TCP1: variants seen among roughly 807,000 people sequenced by gnomAD.
The protein encoded by TCP1 is t-complex 1.
In TCP1, 6 loss-of-function variants were observed where a neutral mutation model predicts 54.7. That is an observed-to-expected ratio of 0.11 (90% CI 0.06 to 0.22). The LOEUF is 0.22. Ranked by LOEUF, TCP1 falls within the 10% of genes least tolerant of loss-of-function variation. The probability of loss-of-function intolerance (pLI) is 1.00; values close to 1 mark genes in which losing one functional copy is unlikely to be tolerated. For missense variants in TCP1, 511 were observed against 678.2 expected, an observed-to-expected ratio of 0.75 and a Z score of 2.74; for synonymous variants, 225 against 229.7, an observed-to-expected ratio of 0.98 and a Z score of 0.19.
chr6:159,787,277 C>G (rs1384459493), intron 3 of TCP1, among the ~76,000 whole-genome samples: 2 of 151,952 alleles, frequency 1.3e-5, no homozygotes, highest in African/African-American at 4.8e-5. Flanking sequence ...CATTGTTTCT[C>G]CCCCAGATTG....
At chr6:159,787,914 C>G (rs202234649) in intron 2 of TCP1, 43 bp from the exon 3 acceptor site, 1 of 1,610,840 alleles carries the variant, frequency 6.2e-7, no homozygotes, top group Non-Finnish European at 8.5e-7. Context: ...TTATAGAAAT[C>G]AACACAGCCC....
intron 8 of TCP1, 35 bp from the exon 9 acceptor site, chr6:159,780,601 GCT>G (rs1313048128): frequency 1.3e-6 from 2 of 1,595,856 alleles, no homozygotes; most frequent in Non-Finnish European, 1.7e-6. Context: ...TGTGAATATT[GCT>G]CTTTCATGAT....
At chr6:159,787,974 T>C (rs1583144975) in intron 2 of TCP1, 84 bp downstream of exon 2, 2 of 1,606,198 alleles carry the variant, frequency 1.2e-6, no homozygotes, top group Non-Finnish European at 1.7e-6. Flanking sequence ...ACGTGGATTC[T>C]GATAAAGTCA....
chr6:159,787,710 G>GA, intron 3 of TCP1, 33 bp downstream of exon 3: 3 of 1,582,872 alleles, frequency 1.9e-6, no homozygotes, highest in Non-Finnish European at 2.6e-6. Flanking sequence ...GTCGTTTTTA[G>GA]AAAAATGATC....
intron 6 of TCP1, 108 bp from the exon 7 acceptor site, chr6:159,784,175 A>G: frequency 7.4e-7 from 1 of 1,351,248 alleles, no homozygotes; most frequent in Non-Finnish European, 9.8e-7. Flanking sequence ...AATTCATTGC[A>G]TTTTATCTTA....
rs1164566915 is a variant in TCP1, at chr6:159,779,869, C to G, written c.1290+26G>C. The stretch of plus-strand genomic sequence containing the variant: ...GTCCACAGCTACTGCTCTCAGGCCT[C>G]TAAGACAAGAAATGACTGTTCTTAC... On this transcript the variant is annotated intron_variant, in intron 10 of 11. Coordinates refer to ENST00000321394, the MANE Select transcript of TCP1 (RefSeq NM_030752.3). 7 of 1,610,814 alleles carry G rather than the reference C, an allele frequency of 4.3e-6. No individual in the cohort carries two copies. In the East Asian group the frequency reaches 8.9e-5, roughly 21 times the overall value.
At chr6:159,782,387 CA>C (rs1463236422) in intron 7 of TCP1, among the ~76,000 whole-genome samples, 5 of 152,080 alleles carry the variant, frequency 3.3e-5, no homozygotes, top group Non-Finnish European at 7.4e-5. Flanking sequence ...AGAAAAAATA[CA>C]GGAAGTTACA....
At position 159,784,697 on chromosome 6, in the gene TCP1, G is replaced by A. The variant is rs1159103877; in HGVS notation, c.639C>T (p.Gly213=). The A allele has an allele frequency of 1.2e-6, 2 of 1,614,052 alleles. No homozygotes were observed. The highest frequency in any genetic ancestry group is 2.2e-5 in the South Asian group (2 of 91,076). ...ATCCCACCACACAGTTGAGTGCATA[G>A]CCACTGATGAGCATACTCTCCATTT... ...RSQMESMLIS[G]YALNCVVGSQ... The change falls in exon 6 of 12, where the codon GGC becomes GGT. Residue 213 remains glycine (G), a synonymous_variant. Transcript: ENST00000321394.
intron 3 of TCP1, among the ~76,000 whole-genome samples, chr6:159,786,662 TA>T (rs1016733566): frequency 6.6e-6 from 1 of 152,238 alleles, no homozygotes; most frequent in African/African-American, 2.4e-5. Context: ...CACATTATCG[TA>T]AGTTAGACAA....
intron 7 of TCP1, 88 bp downstream of exon 7, chr6:159,783,853 G>T: frequency 1.4e-6 from 2 of 1,460,450 alleles, no homozygotes; most frequent in Non-Finnish European, 1.8e-6. Flanking sequence ...TAATTTTTCT[G>T]GAAGTAAAAT....
At chr6:159,786,169 C>T (rs969228182) in intron 3 of TCP1, 172 bp from the exon 4 acceptor site, 2 of 553,484 alleles carry the variant, frequency 3.6e-6, no homozygotes, top group Non-Finnish European at 6.4e-6. Flanking sequence ...CAAAACACTC[C>T]AAGTCCTCCA....
At chr6:159,780,390 CTTTT>C (rs1780546956) in intron 9 of TCP1, 49 bp downstream of exon 9, 1 of 1,612,266 alleles carries the variant, frequency 6.2e-7, no homozygotes, top group Admixed American at 1.7e-5. Flanking sequence ...AGAAAACCTA[CTTTT>C]ACTTAACAAA....
intron 4 of TCP1, 158 bp downstream of exon 4, chr6:159,785,742 T>C (rs1452147824): frequency 1.3e-6 from 1 of 792,946 alleles, no homozygotes; most frequent in Non-Finnish European, 2.2e-6. Flanking sequence ...AAAAAGATAC[T>C]GGTCCAAGTT....
intron 6 of TCP1, 107 bp from the exon 7 acceptor site, chr6:159,784,174 CATTTT>C: frequency 7.4e-7 from 1 of 1,356,630 alleles, no homozygotes; most frequent in Non-Finnish European, 9.7e-7. Flanking sequence ...TAATTCATTG[CATTTT>C]ATCTTAGAAA....
chr6:159,789,451 G>T lies in TCP1; in HGVS notation c.18C>A (p.Ser6=), dbSNP rs774362750. MEGPL[S]VFGDRSTGET... Reference sequence around the variant, plus strand: ...CCCCAGTGCTGCGGTCACCGAACACGGACAAAGGCCCCTCCATCTTGACGG... The same window carrying T: ...CCCCAGTGCTGCGGTCACCGAACACTGACAAAGGCCCCTCCATCTTGACGG... Residue 6 remains serine, a synonymous_variant, in exon 1 of 12, where the codon TCC becomes TCA. Transcript: ENST00000321394. 6.2e-6 allele frequency: 10 copies of T among 1,613,594 alleles called. No individual in the cohort carries two copies. The African/African-American group carries it at 1.3e-4, about 22-fold the overall frequency.
In TCP1 at chr6:159,778,700, T is replaced by C; in HGVS notation, c.*345A>G. 6.2e-7 allele frequency: 1 copy of C among 1,614,238 alleles called. No homozygotes were observed. The highest frequency in any genetic ancestry group is 8.5e-7 in the Non-Finnish European group (1 of 1,180,036). ...GGGCTATAGCCTTGGGCCACCCTCTTGGAGCATCTGGCTGTCGAATTCTTG... is the reference window on the plus strand; with the variant it reads ...GGGCTATAGCCTTGGGCCACCCTCTCGGAGCATCTGGCTGTCGAATTCTTG... On this transcript the variant is annotated 3_prime_UTR_variant, in exon 12 of 12. Coordinates refer to ENST00000321394, the MANE Select transcript of TCP1 (RefSeq NM_030752.3).
chr6:159,785,500 T>G lies in TCP1; in HGVS notation c.378-4A>C, dbSNP rs748832116. The G allele has an allele frequency of 1.2e-6, 2 of 1,608,420 alleles. No individual in the cohort carries two copies. Among genetic ancestry groups the G allele is most frequent in the Non-Finnish European group, 1.7e-6 (2 of 1,175,466 alleles). ...ATTGATATAACGCACTGCTTCCCTG[T>G]TTAAAAGTGTGGGGGAGAAAAACGC... On this transcript the variant is annotated splice_region_variant and splice_polypyrimidine_tract_variant and intron_variant, in intron 4 of 11. Coordinates refer to ENST00000321394, the MANE Select transcript of TCP1 (RefSeq NM_030752.3).
At chr6:159,786,787 C>G (rs746536639) in intron 3 of TCP1, among the ~76,000 whole-genome samples, 3 of 152,158 alleles carry the variant, frequency 2.0e-5, no homozygotes, top group Non-Finnish European at 4.4e-5. Flanking sequence ...ATCTTTCTCA[C>G]CAAACAATAG....
Position 159,780,067 on chromosome 6 carries a change from G to A in TCP1, c.1118C>T (p.Ala373Val), listed in dbSNP as rs1328558839. ...LIKNTKARTS[A>V]SIILRGANDF... ...ATTTGCCCCACGTAAGATAATCGAT[G>A]CAGACGTACGAGCCTTAGTACTGTT... The change falls in exon 10 of 12, where the codon GCA (alanine) becomes GTA (valine). Residue 373 changes from alanine to valine, a missense_variant. By Grantham distance (64) the Ala-to-Val change is moderately conservative. Transcript: ENST00000321394. 1 of 1,613,988 alleles carries A rather than the reference G, an allele frequency of 6.2e-7. No individual in the cohort carries two copies. The highest frequency in any genetic ancestry group is 2.2e-5 in the East Asian group (1 of 44,894).
Sources: gnomAD v4.1 joint callset for allele counts (sites outside exome capture counted in the v4.1 genomes callset) on GRCh38, gnomAD v4.1.1 for gene constraint, MANE v1.5 for transcripts, NCBI Gene and HGNC (gene_info 2026-07-23, HGNC 2026-07-21) for gene names.